HSPA13: variants seen among roughly 807,000 people sequenced by gnomAD.
The protein encoded by HSPA13 is heat shock 70 kDa protein 13.
A neutral mutation model predicts 38.8 loss-of-function variants in HSPA13; 29 were observed. The observed-to-expected ratio is 0.75, with a 90% CI of 0.56 to 1.02. HSPA13 has a LOEUF of 1.02. Among genes scored for constraint, HSPA13 ranks in the 50% least tolerant of loss-of-function variants. The probability of loss-of-function intolerance (pLI) is 0.00; values close to 1 mark genes in which losing one functional copy is unlikely to be tolerated. For synonymous variants in HSPA13, 192 were observed against 205.3 expected, an observed-to-expected ratio of 0.94 and a Z score of 0.56; for missense variants, 451 against 560.9, an observed-to-expected ratio of 0.80 and a Z score of 1.98.
At chr21:14,374,679 T>C (rs1983974900) in intron 4 of HSPA13, among the ~76,000 whole-genome samples, 2 of 152,230 alleles carry the variant, frequency 1.3e-5, no homozygotes, top group East Asian at 3.8e-4. Flanking sequence ...TTTTAAATTA[T>C]ATAAAAGGAA....
chr21:14,374,108 C>T lies in HSPA13; in HGVS notation c.925G>A (p.Val309Ile). 1 of 1,614,152 alleles carries T rather than the reference C, an allele frequency of 6.2e-7. No individual in the cohort carries two copies. The highest frequency in any genetic ancestry group is 1.1e-5 in the South Asian group (1 of 91,080). ...TCCTGCTCCTCCACCGTTAGTAATACTGACAACTGAGCAGATTGATGAAGA... is the reference window on the plus strand; with the variant it reads ...TCCTGCTCCTCCACCGTTAGTAATATTGACAACTGAGCAGATTGATGAAGA... ...LTLHQSAQLS[V>I]LLTVEEQDRK... Residue 309 changes from valine (V) to isoleucine (I), a missense_variant, in exon 5 of 5, where the codon GTA becomes ATA. Coordinates refer to ENST00000285667, the MANE Select transcript of HSPA13 (RefSeq NM_006948.5).
rs760590381 is a variant in HSPA13, at chr21:14,373,938, T to C, written c.1095A>G (p.Ile365Met). The change falls in exon 5 of 5, where the codon ATA becomes ATG. Residue 365 changes from isoleucine to methionine, a missense_variant. By Grantham distance (10) the Ile-to-Met change is conservative. Transcript: ENST00000285667. Reference sequence around the variant, plus strand: ...TAAGGGTATCAAAGAGTTTCCGTGATATTTCTGTTTCAAATAAAACCTGAC... The same window carrying C: ...TAAGGGTATCAAAGAGTTTCCGTGACATTTCTGTTTCAAATAAAACCTGAC... ...GESQVLFETE[I>M]SRKLFDTLNE... 4 of 1,614,192 alleles carry C rather than the reference T, an allele frequency of 2.5e-6. No homozygotes were observed. The highest frequency in any genetic ancestry group is 3.4e-6 in the Non-Finnish European group (4 of 1,180,028).
rs768030863 is a variant in HSPA13, at chr21:14,377,311, T to G, written c.580+888A>C. On this transcript the variant is annotated intron_variant, in intron 3 of 4. Coordinates refer to ENST00000285667, the MANE Select transcript of HSPA13 (RefSeq NM_006948.5). Reference sequence around the variant, plus strand: ...TTCAATGGCATTAAATGTTAAATCATTAAATGATCTATCTCAGATTTTACT... The same window carrying G: ...TTCAATGGCATTAAATGTTAAATCAGTAAATGATCTATCTCAGATTTTACT... 6.7e-4 allele frequency among the ~76,000 whole-genome samples: 102 copies of G among 152,244 alleles called. 1 individual carries two copies. Among genetic ancestry groups the G allele is most frequent in the South Asian group, 4.1e-4 (2 of 4,832 alleles).
intron 3 of HSPA13, among the ~76,000 whole-genome samples, chr21:14,377,513 T>C (rs1311737498): frequency 6.6e-6 from 1 of 152,240 alleles, no homozygotes; most frequent in Non-Finnish European, 1.5e-5. Context: ...TATAAAAATC[T>C]ATCTACTTTA....
At chr21:14,378,437 T>A (rs1403510164) in intron 2 of HSPA13, 25 bp from the exon 3 acceptor site, 2 of 1,458,414 alleles carry the variant, frequency 1.4e-6, no homozygotes, top group Non-Finnish European at 1.9e-6. Flanking sequence ...TGCAAATAAG[T>A]AAATAAATAA....
rs1423274978 is a variant in HSPA13 at position 14,372,281 on chromosome 21, T to C, written c.*1336A>G. 1 of 152,006 alleles carries C rather than the reference T, an allele frequency of 6.6e-6. No homozygotes were observed. The allele number at this position is 152,006 out of a possible 1,614,324, so 9.4% of individuals were successfully genotyped here. On this transcript the variant is annotated 3_prime_UTR_variant, in exon 5 of 5. Transcript: ENST00000285667. Reference sequence around the variant, plus strand: ...ATAATTTTTGAATAATATGAAGCATTCCTCTATTAAGGAAAATATGTATAT... The same window carrying C: ...ATAATTTTTGAATAATATGAAGCATCCCTCTATTAAGGAAAATATGTATAT...
chr21:14,381,571 A>C (rs754651242), intron 1 of HSPA13, 28 bp from the exon 2 acceptor site: 3 of 1,540,106 alleles, frequency 1.9e-6, no homozygotes, highest in Non-Finnish European at 2.7e-6. Context: ...TAAAAGATGT[A>C]TTTTATCAAA....
At position 14,374,121 on chromosome 21, in the gene HSPA13, A is replaced by T; in HGVS notation, c.912T>A (p.Ser304=). ...CCGTTAGTAATACTGACAACTGAGC[A>T]GATTGATGAAGAGTCAGATTTAATT... ...MVKLNLTLHQ[S]AQLSVLLTVE... The change falls in exon 5 of 5, where the codon TCT becomes TCA. Residue 304 remains serine (S), a synonymous_variant. Transcript: ENST00000285667. The T allele has an allele frequency of 6.2e-7, 1 of 1,614,156 alleles. No individual in the cohort carries two copies. Among genetic ancestry groups the T allele is most frequent in the Non-Finnish European group, 8.5e-7 (1 of 1,180,030 alleles).
chr21:14,377,654 A>C (rs1029290415), intron 3 of HSPA13, among the ~76,000 whole-genome samples: 2 of 151,954 alleles, frequency 1.3e-5, no homozygotes, highest in African/African-American at 4.8e-5. Context: ...AGGCAGATCC[A>C]CCCTCAATCT....
rs1462835658 is a variant in HSPA13, at chr21:14,374,250, C to G, written c.783G>C (p.Gln261His). The G allele has an allele frequency of 7.5e-6, 12 of 1,610,330 alleles. No individual in the cohort carries two copies. In the Middle Eastern group the frequency reaches 4.9e-4, roughly 66 times the overall value. Residue 261 changes from glutamine (Q) to histidine (H), a missense_variant, in exon 5 of 5, where the codon CAG becomes CAC. Gln to His is a conservative substitution (Grantham distance 24). Transcript: ENST00000285667. The stretch of plus-strand genomic sequence containing the variant: ...GTTTATATAAGTACTGAAGCAATCT[C>G]TGATTGAAGTCCTGTCCTCCAAGTT... Reference protein sequence around the residue: ...NNKLGGQDFNQRLLQYLYKQI... With the variant: ...NNKLGGQDFNHRLLQYLYKQI...
rs1982832296 is a variant in HSPA13 at position 14,371,758 on chromosome 21, TTTTC to T, written c.*1855_*1858del. On this transcript the variant is annotated 3_prime_UTR_variant, in exon 5 of 5. Coordinates refer to ENST00000285667, the MANE Select transcript of HSPA13 (RefSeq NM_006948.5). ...TCTCAAACATTTGAGAAATTCAAGG[TTTTC>T]TTTATGTTTTAAGCTGATCCTATAT... 6.6e-6 allele frequency: 1 copy of T among 152,064 alleles called. No individual in the cohort carries two copies. The highest frequency in any genetic ancestry group is 1.5e-5 in the Non-Finnish European group (1 of 67,936). The allele number at this position is 152,064 out of a possible 1,614,324, so 9.4% of individuals were successfully genotyped here.
At chr21:14,380,366 A>G (rs1984138041) in intron 2 of HSPA13, among the ~76,000 whole-genome samples, 1 of 151,556 alleles carries the variant, frequency 6.6e-6, no homozygotes, top group African/African-American at 2.4e-5. Flanking sequence ...CCAAAACAAA[A>G]AAGGACAAAG....
chr21:14,381,642 G>T, intron 1 of HSPA13, 99 bp from the exon 2 acceptor site: 2 of 1,113,828 alleles, frequency 1.8e-6, no homozygotes, highest in Non-Finnish European at 2.4e-6. Flanking sequence ...TTGAAACAAG[G>T]CTAAAAAAGA....
At chr21:14,378,069 T>C (rs1376204738) in intron 3 of HSPA13, 130 bp downstream of exon 3, 6 of 669,572 alleles carry the variant, frequency 9.0e-6, no homozygotes, top group Non-Finnish European at 1.3e-5. Flanking sequence ...AGAACCCTAA[T>C]ACACCTACCA....
rs1982875756 is a variant in HSPA13, at chr21:14,373,481, A to C, written c.*136T>G. 1.4e-6 allele frequency: 1 copy of C among 726,578 alleles called. No homozygotes were observed. Among genetic ancestry groups the C allele is most frequent in the East Asian group, 2.7e-5 (1 of 36,994 alleles). The allele number at this position is 726,578 out of a possible 1,614,324, so 45.0% of individuals were successfully genotyped here. The stretch of plus-strand genomic sequence containing the variant: ...AATCCTAAGACAAAACACTATGTAA[A>C]ATTTTCCTGTATCTAAATGTTGCCC... On this transcript the variant is annotated 3_prime_UTR_variant, in exon 5 of 5. Transcript: ENST00000285667.
At chr21:14,380,759 A>C (rs960584700) in intron 2 of HSPA13, among the ~76,000 whole-genome samples, 3 of 152,248 alleles carry the variant, frequency 2.0e-5, no homozygotes, top group African/African-American at 7.2e-5. Flanking sequence ...TAGTCTAATT[A>C]ATAATGGAAT....
Position 14,376,944 on chromosome 21 carries a change from A to T in HSPA13, c.581-1125T>A, listed in dbSNP as rs375877866. 3.9e-5 allele frequency among the ~76,000 whole-genome samples: 6 copies of T among 152,316 alleles called. No homozygotes were observed. In the South Asian group the frequency reaches 1.2e-3, roughly 32 times the overall value. ...GCCTGCTCTTTTCTTCATAGTGGTT[A>T]CTTTCTGATATACATTGTATCAGTG... On this transcript the variant is annotated intron_variant, in intron 3 of 4. Coordinates refer to ENST00000285667, the MANE Select transcript of HSPA13 (RefSeq NM_006948.5).
chr21:14,382,285 A>G (rs1347594583), intron 1 of HSPA13, among the ~76,000 whole-genome samples: 1 of 152,150 alleles, frequency 6.6e-6, no homozygotes, highest in Non-Finnish European at 1.5e-5. Context: ...TATCCCCCAG[A>G]CCAGGAATAG....
Position 14,375,639 on chromosome 21 carries a change from G to A in HSPA13, c.748+13C>T. ...GAGCCACTGCGCCCAGCCTCTCCCT[G>A]CATTTTTCTTACCAGACATTGCTCG... is the stretch of plus-strand genomic sequence containing the variant. On this transcript the variant is annotated intron_variant, in intron 4 of 4. Coordinates refer to ENST00000285667, the MANE Select transcript of HSPA13 (RefSeq NM_006948.5). 6.2e-7 allele frequency: 1 copy of A among 1,610,034 alleles called. No individual in the cohort carries two copies. Among genetic ancestry groups the A allele is most frequent in the Non-Finnish European group, 8.5e-7 (1 of 1,177,382 alleles).
Sources: gnomAD v4.1 joint callset for allele counts (sites outside exome capture counted in the v4.1 genomes callset) on GRCh38, gnomAD v4.1.1 for gene constraint, MANE v1.5 for transcripts, NCBI Gene and HGNC (gene_info 2026-07-23, HGNC 2026-07-21) for gene names.